Variants in SHISA9 observed in about 807,000 individuals in gnomAD.
The protein encoded by SHISA9 is protein shisa-9.
A neutral mutation model predicts 38.0 loss-of-function variants in SHISA9; 13 were observed. That is an observed-to-expected ratio of 0.34 (90% CI 0.22 to 0.54). The LOEUF is 0.54. Ranked by LOEUF, SHISA9 falls within the 20% of genes least tolerant of loss-of-function variation. SHISA9 has a pLI of 0.91. For synonymous variants in SHISA9, 275 were observed against 242.0 expected, an observed-to-expected ratio of 1.14 and a Z score of -1.27; for missense variants, 538 against 575.8, an observed-to-expected ratio of 0.93 and a Z score of 0.67.
the SHISA9 span, among the ~76,000 whole-genome samples, chr16:13,305,698 C>A: frequency 0.28 from 42,425 of 152,020 alleles, 6,891 homozygotes; most frequent in Admixed American, 0.42. Flanking sequence ...AGATGAAGAC[C>A]GCAGCCTTGT....
chr16:13,067,761 T>A (rs1490529668), intron 2 of SHISA9, among the ~76,000 whole-genome samples: 2 of 152,224 alleles, frequency 1.3e-5, no homozygotes, highest in African/African-American at 4.8e-5. Context: ...CGCCTGCACC[T>A]GCTGTGCCTG....
At chr16:13,465,973 A>C in the SHISA9 span, among the ~76,000 whole-genome samples, 49 of 152,380 alleles carry the variant, frequency 3.2e-4, no homozygotes, top group South Asian at 3.1e-3. Flanking sequence ...AAAGGCCCAC[A>C]TGATTTGCAA....
chr16:13,488,268 G>T, the SHISA9 span, among the ~76,000 whole-genome samples: 3 of 151,354 alleles, frequency 2.0e-5, no homozygotes, highest in Non-Finnish European at 1.5e-5. Flanking sequence ...AAAGGAATTA[G>T]TTATAATTTT....
the SHISA9 span, among the ~76,000 whole-genome samples, chr16:13,399,533 G>A: frequency 4.6e-5 from 7 of 152,046 alleles, no homozygotes; most frequent in South Asian, 6.2e-4. Flanking sequence ...CTTCAAGACC[G>A]GTCCACTCAT....
chr16:13,379,892 C>T, the SHISA9 span, among the ~76,000 whole-genome samples: 1 of 152,010 alleles, frequency 6.6e-6, no homozygotes, highest in African/African-American at 2.4e-5. Context: ...ATCATTACAG[C>T]TAATATTACA....
the SHISA9 span, among the ~76,000 whole-genome samples, chr16:13,290,400 C>A: frequency 5.4e-3 from 815 of 151,996 alleles, 7 homozygotes; most frequent in Non-Finnish European, 9.3e-3. Flanking sequence ...CCAAGATGAG[C>A]ACACCGAGAA....
the SHISA9 span, among the ~76,000 whole-genome samples, chr16:13,504,643 CAG>C: frequency 2.6e-5 from 4 of 152,156 alleles, no homozygotes; most frequent in African/African-American, 9.7e-5. Context: ...GACTAAGAAA[CAG>C]AGGAATTTGA....
chr16:13,081,724 G>T (rs1425340780), intron 2 of SHISA9, among the ~76,000 whole-genome samples: 3 of 151,854 alleles, frequency 2.0e-5, no homozygotes, highest in Non-Finnish European at 4.4e-5. Context: ...ATGGTGGTGG[G>T]CACCTGTAAT....
the SHISA9 span, among the ~76,000 whole-genome samples, chr16:13,426,904 A>G: frequency 1.3e-5 from 2 of 152,238 alleles, no homozygotes; most frequent in Admixed American, 6.5e-5. Flanking sequence ...AATTCTCTGC[A>G]TTAGTCAGGA....
At chr16:13,488,697 T>C in the SHISA9 span, among the ~76,000 whole-genome samples, 287 of 152,360 alleles carry the variant, frequency 1.9e-3, no homozygotes, top group African/African-American at 6.4e-3. Context: ...ATGTAAAAGT[T>C]ACAGTGTTTG....
chr16:13,097,937 A>G (rs4781407), intron 2 of SHISA9, among the ~76,000 whole-genome samples: 8,207 of 152,296 alleles, frequency 0.054, 359 homozygotes, highest in Admixed American at 0.14. Context: ...TACTAATTCT[A>G]GCCCTAGTAC....
intron 3 of SHISA9, among the ~76,000 whole-genome samples, chr16:13,209,960 G>C (rs891630582): frequency 6.6e-6 from 1 of 152,158 alleles, no homozygotes. Context: ...AATTAGCTGG[G>C]TGTGGTGGCA....
At chr16:13,541,448 C>G in the SHISA9 span, among the ~76,000 whole-genome samples, 1 of 152,186 alleles carries the variant, frequency 6.6e-6, no homozygotes, top group Non-Finnish European at 1.5e-5. Flanking sequence ...TAACAGTTTA[C>G]AAAGTTTTGT....
At chr16:13,476,750 T>G in the SHISA9 span, among the ~76,000 whole-genome samples, 88 of 130,822 alleles carry the variant, frequency 6.7e-4, no homozygotes, top group Admixed American at 4.8e-3. Flanking sequence ...TTTTTTTTTT[T>G]TTTTTTTTTT....
At chr16:13,233,766 T>A (rs534880641) in intron 4 of SHISA9, among the ~76,000 whole-genome samples, 1 of 152,338 alleles carries the variant, frequency 6.6e-6, no homozygotes, top group South Asian at 2.1e-4. Flanking sequence ...TCCCAAGCAC[T>A]TTGGGAGGCC....
chr16:13,457,962 T>TTCCTTGC, the SHISA9 span, among the ~76,000 whole-genome samples: 1 of 152,060 alleles, frequency 6.6e-6, no homozygotes, highest in African/African-American at 2.4e-5. Flanking sequence ...CCTTCCTTCC[T>TTCCTTGC]TTCTTCCTCC....
the SHISA9 span, among the ~76,000 whole-genome samples, chr16:13,525,197 A>T: frequency 2.0e-5 from 3 of 152,222 alleles, no homozygotes; most frequent in East Asian, 5.8e-4. Flanking sequence ...TAGCCTGGGA[A>T]CCACCCTTTG....
rs779404293 is a variant in SHISA9 at position 13,065,449 on chromosome 16, C to T, written c.692-137945C>T. Reference sequence around the variant, plus strand: ...AAAACAGAATTCAAGGCCAAAGCCACGTTTAGGGCATGACAAACTGAAACT... The same window carrying T: ...AAAACAGAATTCAAGGCCAAAGCCATGTTTAGGGCATGACAAACTGAAACT... On this transcript the variant is annotated intron_variant, in intron 2 of 4. Transcript: ENST00000558583. 4.6e-5 allele frequency among the ~76,000 whole-genome samples: 7 copies of T among 152,146 alleles called. No homozygotes were observed. In the East Asian group the frequency reaches 5.8e-4, roughly 13 times the overall value.
intron 2 of SHISA9, among the ~76,000 whole-genome samples, chr16:13,017,066 C>T (rs2072766480): frequency 6.6e-6 from 1 of 150,994 alleles, no homozygotes; most frequent in African/African-American, 2.4e-5. Flanking sequence ...GTCACCCAGG[C>T]TGGAGTGCAG....
Sources: allele counts gnomAD v4.1 joint callset (sites outside exome capture counted in the v4.1 genomes callset), GRCh38; gene constraint gnomAD v4.1.1; transcripts MANE v1.5; gene names NCBI Gene and HGNC (gene_info 2026-07-23, HGNC 2026-07-21).